Variants in TRPC4 observed in about 807,000 individuals in gnomAD.
The protein encoded by TRPC4 is transient receptor potential cation channel subfamily C member 4, also known as short transient receptor potential channel 4.
TRPC4 carries 49 observed loss-of-function variants against 99.4 expected under a neutral mutation model. That is an observed-to-expected ratio of 0.49 (90% CI 0.39 to 0.63). The LOEUF is 0.63. TRPC4 is among the 20% of genes least tolerant of loss of function. The pLI, the probability that TRPC4 is intolerant of heterozygous loss-of-function variation, is 0.00. For synonymous variants in TRPC4, 454 were observed against 425.9 expected, an observed-to-expected ratio of 1.07 and a Z score of -0.81; for missense variants, 898 against 1,152.9, an observed-to-expected ratio of 0.78 and a Z score of 3.20.
chr13:37,866,110 A>G (rs1294351913), intron 1 of TRPC4, among the ~76,000 whole-genome samples: 3 of 151,812 alleles, frequency 2.0e-5, no homozygotes, highest in African/African-American at 7.2e-5. Flanking sequence ...AATATAATTA[A>G]TGAATATCTG....
chr13:37,749,643 A>G (rs1955878402), intron 2 of TRPC4, among the ~76,000 whole-genome samples: 1 of 152,142 alleles, frequency 6.6e-6, no homozygotes, highest in African/African-American at 2.4e-5. Context: ...ATATGCCTAC[A>G]TCAATTATTA....
intron 3 of TRPC4, among the ~76,000 whole-genome samples, chr13:37,699,510 C>CA (rs1400996050): frequency 1.3e-5 from 2 of 151,926 alleles, no homozygotes; most frequent in African/African-American, 4.8e-5. Context: ...TGTTAAAAGG[C>CA]AAAAAATCAA....
chr13:37,810,601 G>C (rs1159779799), intron 1 of TRPC4, among the ~76,000 whole-genome samples: 1 of 152,010 alleles, frequency 6.6e-6, no homozygotes, highest in Admixed American at 6.6e-5. Flanking sequence ...ACAACTTTCT[G>C]CTCTAAATCT....
At chr13:37,724,631 A>G (rs1013174655) in intron 3 of TRPC4, among the ~76,000 whole-genome samples, 1 of 152,180 alleles carries the variant, frequency 6.6e-6, no homozygotes, top group African/African-American at 2.4e-5. Flanking sequence ...TTCCACATCC[A>G]TAATAAGGAT....
At chr13:37,849,546 G>A (rs78301431) in intron 1 of TRPC4, among the ~76,000 whole-genome samples, 4,719 of 152,260 alleles carry the variant, frequency 0.031, 271 homozygotes, top group African/African-American at 0.11. Flanking sequence ...TGACCAAGCA[G>A]CCACTGAGTC....
intron 3 of TRPC4, among the ~76,000 whole-genome samples, chr13:37,726,806 T>C (rs1955078289): frequency 6.6e-6 from 1 of 151,912 alleles, no homozygotes; most frequent in South Asian, 2.1e-4. Context: ...AGAGTGGCAA[T>C]ACTAATATCA....
chr13:37,822,776 G>A (rs1018375642), intron 1 of TRPC4, among the ~76,000 whole-genome samples: 2 of 152,110 alleles, frequency 1.3e-5, no homozygotes, highest in Non-Finnish European at 2.9e-5. Context: ...AGTACTTTGG[G>A]TATATACCCA....
chr13:37,752,196 C>T (rs1322919713), intron 2 of TRPC4, among the ~76,000 whole-genome samples: 1 of 149,716 alleles, frequency 6.7e-6, no homozygotes, highest in Non-Finnish European at 1.5e-5. Flanking sequence ...TCAGTATTAA[C>T]AAGAATACGG....
At chr13:37,820,943 A>G (rs1404165886) in intron 1 of TRPC4, among the ~76,000 whole-genome samples, 1 of 152,092 alleles carries the variant, frequency 6.6e-6, no homozygotes, top group African/African-American at 2.4e-5. Context: ...CCAAGCAATC[A>G]GGCAACAGAA....
At chr13:37,726,753 A>T (rs74047139) in intron 3 of TRPC4, among the ~76,000 whole-genome samples, 6,224 of 152,248 alleles carry the variant, frequency 0.041, 341 homozygotes, top group African/African-American at 0.13. Flanking sequence ...AAAGTGAAAG[A>T]ATAAAAAAGG....
chr13:37,661,698 G>A (rs1397905054), intron 6 of TRPC4, among the ~76,000 whole-genome samples: 1 of 152,130 alleles, frequency 6.6e-6, no homozygotes, highest in Non-Finnish European at 1.5e-5. Flanking sequence ...GATTGTTAGA[G>A]CAGAACTCTC....
intron 3 of TRPC4, among the ~76,000 whole-genome samples, chr13:37,715,669 A>G (rs979324781): frequency 6.6e-6 from 1 of 152,164 alleles, no homozygotes; most frequent in African/African-American, 2.4e-5. Flanking sequence ...TGGGTTCACA[A>G]ACTTTAATCA....
intron 2 of TRPC4, among the ~76,000 whole-genome samples, chr13:37,750,571 G>A (rs1019201660): frequency 4.6e-5 from 7 of 151,828 alleles, no homozygotes; most frequent in South Asian, 2.1e-4. Flanking sequence ...AATAAGTTTC[G>A]GAATATTGAA....
chr13:37,647,938 C>CATTT lies in TRPC4; in HGVS notation c.2079+3323_2079+3326dup, dbSNP rs567366335. Among the ~76,000 whole-genome samples, 999 of 151,990 alleles carry CATTT rather than the reference C, an allele frequency of 6.6e-3. 8 individuals carry two copies. The highest frequency in any genetic ancestry group is 0.02 in the African/African-American group (827 of 41,452). On this transcript the variant is annotated intron_variant, in intron 8 of 10. Coordinates refer to ENST00000379705, the MANE Select transcript of TRPC4 (RefSeq NM_016179.4). ...TAATTTATATCTCATTTATCTTATA[C>CATTT]ATTTATTTATTTATTTATTTATTGA...
intron 1 of TRPC4, among the ~76,000 whole-genome samples, chr13:37,815,158 C>T (rs1957814043): frequency 6.6e-6 from 1 of 151,590 alleles, no homozygotes; most frequent in African/African-American, 2.4e-5. Flanking sequence ...AAACTTCATA[C>T]AATATGGAAA....
intron 4 of TRPC4, among the ~76,000 whole-genome samples, chr13:37,691,642 T>C (rs370129132): frequency 6.6e-6 from 1 of 152,246 alleles, no homozygotes; most frequent in South Asian, 2.1e-4. Flanking sequence ...AATCTGCATG[T>C]ACTTTTAGAA....
At position 37,828,678 on chromosome 13, in the gene TRPC4, T is replaced by C. The variant is rs564274985; in HGVS notation, c.-28+40917A>G. ...TGAAAAAGAATGAGATTATGTTCTT[T>C]GCAGCAACATGGTTAGGCCTGGAGG... On this transcript the variant is annotated intron_variant, in intron 1 of 10. Coordinates refer to ENST00000379705, the MANE Select transcript of TRPC4 (RefSeq NM_016179.4). 1.4e-4 allele frequency among the ~76,000 whole-genome samples: 22 copies of C among 152,346 alleles called. No individual in the cohort carries two copies. The South Asian group carries it at 3.9e-3, about 27-fold the overall frequency.
chr13:37,828,563 CA>C (rs1159959710), intron 1 of TRPC4, among the ~76,000 whole-genome samples: 4 of 152,070 alleles, frequency 2.6e-5, no homozygotes, highest in African/African-American at 9.7e-5. Flanking sequence ...TTCATAATAG[CA>C]AAAACATGAA....
chr13:37,679,541 C>G (rs1198941057), intron 4 of TRPC4, among the ~76,000 whole-genome samples: 3 of 151,982 alleles, frequency 2.0e-5, no homozygotes, highest in Non-Finnish European at 4.4e-5. Flanking sequence ...TGAAAATAAA[C>G]AATGACTATT....
Sources: allele counts gnomAD v4.1 joint callset (sites outside exome capture counted in the v4.1 genomes callset), GRCh38; gene constraint gnomAD v4.1.1; transcripts MANE v1.5; gene names NCBI Gene and HGNC (gene_info 2026-07-23, HGNC 2026-07-21).